Variants in LSAMP observed in about 807,000 individuals in gnomAD.
LSAMP encodes the protein limbic system-associated membrane protein.
Under a neutral mutation model 38.6 loss-of-function variants are expected in LSAMP, and 7 were observed. The observed-to-expected ratio is 0.18, with a 90% CI of 0.10 to 0.34. The LOEUF (loss-of-function observed/expected upper bound fraction) is 0.34. Among genes scored for constraint, LSAMP ranks in the 10% least tolerant of loss-of-function variants. The pLI is 1.00. For synonymous variants in LSAMP, 154 were observed against 166.8 expected (o/e 0.92, Z 0.59); for missense variants, 313 against 420.0 (o/e 0.75, Z 2.23).
At chr3:116,067,015 C>G (rs113704766) in intron 2 of LSAMP, among the ~76,000 whole-genome samples, 10 of 152,244 alleles carry the variant, frequency 6.6e-5, no homozygotes, top group African/African-American at 2.4e-4. Context: ...GAAGCCTCAG[C>G]TTAGAAGTTC....
intron 6 of LSAMP, among the ~76,000 whole-genome samples, chr3:115,812,924 A>G (rs1933885028): frequency 2.6e-5 from 4 of 152,202 alleles, no homozygotes; most frequent in African/African-American, 9.6e-5. Context: ...CATTATTGAA[A>G]AATATGTTAC....
intron 1 of LSAMP, among the ~76,000 whole-genome samples, chr3:116,417,013 T>C (rs2049059920): frequency 6.6e-6 from 1 of 152,164 alleles, no homozygotes; most frequent in Non-Finnish European, 1.5e-5. Flanking sequence ...TCTTTTTTCT[T>C]CCCCTACTTA....
rs148733661 is a variant in LSAMP at position 116,386,441 on chromosome 3, C to T, written c.155+58436G>A. On this transcript the variant is annotated intron_variant, in intron 1 of 6. Coordinates refer to ENST00000490035, the MANE Select transcript of LSAMP (RefSeq NM_002338.5). Reference sequence around the variant, plus strand: ...CTTACTGCTCACTAATCCTCTACAGCATCCTAACACAGTCATATAGTACAT... The same window carrying T: ...CTTACTGCTCACTAATCCTCTACAGTATCCTAACACAGTCATATAGTACAT... 4.3e-3 allele frequency among the ~76,000 whole-genome samples: 657 copies of T among 152,252 alleles called. 7 individuals carry two copies. Among genetic ancestry groups the T allele is most frequent in the African/African-American group, 0.015 (623 of 41,504 alleles).
chr3:115,986,090 G>GT (rs1306117907), intron 3 of LSAMP, among the ~76,000 whole-genome samples: 1 of 152,122 alleles, frequency 6.6e-6, no homozygotes, highest in African/African-American at 2.4e-5. Flanking sequence ...GCTTTGAAGG[G>GT]TTAAAAAAGC....
At chr3:116,387,760 T>C (rs116022717) in intron 1 of LSAMP, among the ~76,000 whole-genome samples, 2 of 152,124 alleles carry the variant, frequency 1.3e-5, no homozygotes, top group East Asian at 1.9e-4. Flanking sequence ...ATGCATATAG[T>C]TGTAGATACA....
intron 3 of LSAMP, among the ~76,000 whole-genome samples, chr3:115,955,468 T>C (rs1938426087): frequency 6.6e-6 from 1 of 152,198 alleles, no homozygotes; most frequent in African/African-American, 2.4e-5. Flanking sequence ...CAAATATTTA[T>C]TAAGCACCTA....
intron 1 of LSAMP, among the ~76,000 whole-genome samples, chr3:116,355,602 C>T (rs2048212488): frequency 6.6e-6 from 1 of 152,000 alleles, no homozygotes. Flanking sequence ...ACATCAAGTG[C>T]AAAGGCTTCT....
At chr3:116,169,517 T>A (rs1479997999) in intron 1 of LSAMP, among the ~76,000 whole-genome samples, 1 of 152,186 alleles carries the variant, frequency 6.6e-6, no homozygotes, top group Admixed American at 6.5e-5. Flanking sequence ...CTTCTTCACA[T>A]TATGAAGGAT....
chr3:116,266,704 A>G (rs921249129), intron 1 of LSAMP, among the ~76,000 whole-genome samples: 2 of 152,142 alleles, frequency 1.3e-5, no homozygotes, highest in Non-Finnish European at 2.9e-5. Flanking sequence ...ATGCAGAAAC[A>G]GAGGCAAGGG....
chr3:115,850,439 T>C (rs142710952), intron 4 of LSAMP, among the ~76,000 whole-genome samples: 12 of 152,344 alleles, frequency 7.9e-5, no homozygotes, highest in African/African-American at 1.7e-4. Flanking sequence ...TGGAAGATGA[T>C]GGCATGGTTG....
chr3:115,898,598 CATATATAT>C (rs10527269), intron 3 of LSAMP, among the ~76,000 whole-genome samples: 1,662 of 142,038 alleles, frequency 0.012, 30 homozygotes, highest in African/African-American at 0.038. Context: ...CATGAAGATG[CATATATAT>C]ATATATATAT....
intron 1 of LSAMP, among the ~76,000 whole-genome samples, chr3:116,304,036 C>T (rs1353110562): frequency 2.0e-5 from 3 of 152,072 alleles, no homozygotes; most frequent in Non-Finnish European, 4.4e-5. Context: ...CGTTACTGAA[C>T]GTGACATGGT....
intron 3 of LSAMP, among the ~76,000 whole-genome samples, chr3:115,914,178 C>T (rs1361770907): frequency 1.3e-5 from 2 of 152,136 alleles, no homozygotes; most frequent in Non-Finnish European, 2.9e-5. Context: ...TAGTCAAGCT[C>T]CTCTGAGCCC....
intron 2 of LSAMP, among the ~76,000 whole-genome samples, chr3:116,068,584 T>C (rs939810334): frequency 6.6e-6 from 1 of 152,238 alleles, no homozygotes; most frequent in African/African-American, 2.4e-5. Context: ...ATAAGATTTA[T>C]TGCTGTTTCA....
chr3:116,071,974 CTT>C lies in LSAMP; in HGVS notation c.388+14348_388+14349del, dbSNP rs34359160. Among the ~76,000 whole-genome samples, 1,212 of 130,008 alleles carry C rather than the reference CTT, an allele frequency of 9.3e-3. 8 individuals are homozygous for C. Among genetic ancestry groups the C allele is most frequent in the African/African-American group, 0.033 (1,096 of 33,404 alleles). The allele number at this position is 130,008 out of a possible 152,430, so 85.3% of individuals were successfully genotyped here. ...ATAGTATTCCATGGTGTATATGTAG[CTT>C]TTTTTTTTTTTTTTTTTGAGATGGA... On this transcript the variant is annotated intron_variant, in intron 2 of 6. Transcript: ENST00000490035.
intron 1 of LSAMP, among the ~76,000 whole-genome samples, chr3:116,209,593 G>A (rs539058542): frequency 1.3e-5 from 2 of 152,268 alleles, no homozygotes; most frequent in South Asian, 4.1e-4. Context: ...ATGTTTGTAT[G>A]TGTGAAGAGT....
intron 1 of LSAMP, among the ~76,000 whole-genome samples, chr3:116,138,676 G>A (rs1040175412): frequency 6.6e-6 from 1 of 151,998 alleles, no homozygotes; most frequent in African/African-American, 2.4e-5. Flanking sequence ...ACAAAGTGAA[G>A]ATAAAACACT....
intron 3 of LSAMP, among the ~76,000 whole-genome samples, chr3:115,950,016 A>G (rs1938231402): frequency 6.6e-6 from 1 of 152,164 alleles, no homozygotes; most frequent in Non-Finnish European, 1.5e-5. Flanking sequence ...ACACAGAAAA[A>G]GCATTTGACA....
intron 6 of LSAMP, among the ~76,000 whole-genome samples, chr3:115,832,743 A>G (rs115923842): frequency 6.6e-6 from 1 of 152,330 alleles, no homozygotes; most frequent in African/African-American, 2.4e-5. Flanking sequence ...AAGTATTAGT[A>G]TAAGATAAAC....
Sources: allele counts gnomAD v4.1 joint callset (sites outside exome capture counted in the v4.1 genomes callset), GRCh38; gene constraint gnomAD v4.1.1; transcripts MANE v1.5; gene names NCBI Gene and HGNC (gene_info 2026-07-23, HGNC 2026-07-21).